MCPH1: variants seen among roughly 807,000 people sequenced by gnomAD.
MCPH1 encodes the protein microcephalin 1.
Under a neutral mutation model 84.5 loss-of-function variants are expected in MCPH1, and 104 were observed. That is an observed-to-expected ratio of 1.23 (90% CI 1.05 to 1.45). MCPH1 has a LOEUF of 1.45. MCPH1 is among the 40% of genes most tolerant of loss of function. The pLI, the probability that MCPH1 is intolerant of heterozygous loss-of-function variation, is 0.00. For synonymous variants in MCPH1, 514 were observed against 366.8 expected (o/e 1.40, Z -4.58); for missense variants, 1,498 against 1,005.7 (o/e 1.49, Z -6.62).
chr8:6,636,542 C>T (rs1163618505), intron 13 of MCPH1, among the ~76,000 whole-genome samples: 6 of 152,026 alleles, frequency 3.9e-5, no homozygotes, highest in Admixed American at 6.6e-5. Flanking sequence ...TACAGTGCTG[C>T]GATCATAGCT....
At chr8:6,617,903 C>CTATCTATCTATCTATA (rs1365396192) in intron 12 of MCPH1, among the ~76,000 whole-genome samples, 47 of 145,538 alleles carry the variant, frequency 3.2e-4, no homozygotes, top group Admixed American at 6.8e-4. Context: ...TCTATCTAAT[C>CTATCTATCTATCTATA]TATCTATCTA....
intron 12 of MCPH1, among the ~76,000 whole-genome samples, chr8:6,550,974 A>C (rs937926696): frequency 2.0e-5 from 3 of 152,204 alleles, no homozygotes; most frequent in African/African-American, 7.2e-5. Context: ...TGCTGTCCTA[A>C]TAAACAGTGT....
chr8:6,483,142 C>G (rs927975731), intron 11 of MCPH1, among the ~76,000 whole-genome samples: 1 of 152,110 alleles, frequency 6.6e-6, no homozygotes, highest in African/African-American at 2.4e-5. Flanking sequence ...GATCTGTGTG[C>G]TGAAAACTAC....
chr8:6,445,080 C>T lies in MCPH1; in HGVS notation c.1358C>T (p.Thr453Ile), dbSNP rs543390693. ...SCRSLSKKERTSIFEMSDFSC... is the reference protein window; with the variant it reads ...SCRSLSKKERISIFEMSDFSC... Reference sequence around the variant, plus strand: ...AGAAGTCTTTCTAAGAAGGAGAGAACAAGCATATTTGAAATGTCTGATTTT... The same window carrying T: ...AGAAGTCTTTCTAAGAAGGAGAGAATAAGCATATTTGAAATGTCTGATTTT... The change falls in exon 8 of 14, where the codon ACA (threonine) becomes ATA (isoleucine). Residue 453 changes from threonine to isoleucine, a missense_variant. By Grantham distance (89) the Thr-to-Ile change is moderately conservative. Transcript: ENST00000344683. 2.5e-5 allele frequency: 40 copies of T among 1,614,250 alleles called. 2 individuals carry two copies. The Admixed American group carries it at 6.5e-4, about 26-fold the overall frequency.
intron 4 of MCPH1, among the ~76,000 whole-genome samples, chr8:6,434,955 G>A (rs1040778845): frequency 6.6e-6 from 1 of 152,180 alleles, no homozygotes; most frequent in African/African-American, 2.4e-5. Context: ...GAAGTCAATG[G>A]GCAGTTCCAA....
chr8:6,465,750 C>T (rs897016137), intron 9 of MCPH1, among the ~76,000 whole-genome samples: 8 of 152,066 alleles, frequency 5.3e-5, no homozygotes, highest in African/African-American at 1.9e-4. Flanking sequence ...AAGTAACAAG[C>T]GGCTTTGTTT....
intron 13 of MCPH1, chr8:6,642,530 C>G (rs1257271673): frequency 5.5e-6 from 1 of 182,484 alleles, no homozygotes; most frequent in Admixed American, 5.4e-5. Flanking sequence ...TAAAAAATAC[C>G]TATGCTGGGT....
chr8:6,507,177 C>T (rs1055965102), intron 12 of MCPH1, among the ~76,000 whole-genome samples: 2 of 152,316 alleles, frequency 1.3e-5, no homozygotes, highest in East Asian at 1.9e-4. Flanking sequence ...GGATTACAAG[C>T]GGGGGCCACC....
intron 12 of MCPH1, among the ~76,000 whole-genome samples, chr8:6,617,962 G>C (rs929039755): frequency 2.8e-4 from 27 of 94,800 alleles, no homozygotes; most frequent in African/African-American, 8.8e-4. Context: ...TATCTAGATG[G>C]GGTCTGCCTA....
chr8:6,463,547 G>A (rs984746981), intron 9 of MCPH1, among the ~76,000 whole-genome samples: 1 of 152,168 alleles, frequency 6.6e-6, no homozygotes, highest in African/African-American at 2.4e-5. Context: ...AAGGAGCCTT[G>A]CAGTGGAAAG....
intron 3 of MCPH1, 60 bp downstream of exon 3, chr8:6,414,943 A>C (rs1799057767): frequency 6.4e-7 from 1 of 1,568,024 alleles, no homozygotes; most frequent in African/African-American, 1.4e-5. Context: ...ATGTGTGGAG[A>C]TATTTTTCAC....
intron 9 of MCPH1, among the ~76,000 whole-genome samples, chr8:6,473,430 C>A (rs923515911): frequency 1.4e-5 from 2 of 145,442 alleles, no homozygotes; most frequent in Admixed American, 7.2e-5. Context: ...TCCCCAGGTT[C>A]ACGCCATTCT....
At chr8:6,497,543 G>A (rs1811381800) in intron 11 of MCPH1, among the ~76,000 whole-genome samples, 1 of 152,054 alleles carries the variant, frequency 6.6e-6, no homozygotes, top group Non-Finnish European at 1.5e-5. Flanking sequence ...GGGAAGAGCT[G>A]CAACCACTGA....
At chr8:6,605,075 A>T (rs1456327752) in intron 12 of MCPH1, among the ~76,000 whole-genome samples, 1 of 151,758 alleles carries the variant, frequency 6.6e-6, no homozygotes, top group Non-Finnish European at 1.5e-5. Flanking sequence ...TTGTCGCCTG[A>T]CCTCTCCCTG....
intron 8 of MCPH1, among the ~76,000 whole-genome samples, chr8:6,449,556 C>T (rs752499483): frequency 2.2e-4 from 34 of 152,096 alleles, no homozygotes; most frequent in Non-Finnish European, 4.6e-4. Context: ...TCACTTGAAC[C>T]CAGGAGACAG....
chr8:6,594,151 C>T (rs894181892), intron 12 of MCPH1, among the ~76,000 whole-genome samples: 1 of 152,304 alleles, frequency 6.6e-6, no homozygotes, highest in East Asian at 1.9e-4. Context: ...GGCTGCAGGG[C>T]CTAGCCTGGC....
intron 3 of MCPH1, among the ~76,000 whole-genome samples, chr8:6,424,011 G>A (rs1406647861): frequency 2.0e-5 from 3 of 152,142 alleles, no homozygotes; most frequent in African/African-American, 7.2e-5. Flanking sequence ...CTTTCTTGGT[G>A]AACTGCCTGC....
chr8:6,530,310 C>A (rs897420087), intron 12 of MCPH1, among the ~76,000 whole-genome samples: 7 of 152,032 alleles, frequency 4.6e-5, no homozygotes, highest in African/African-American at 4.8e-5. Context: ...GAGTTCGAGA[C>A]CAGCCTGGCC....
intron 12 of MCPH1, among the ~76,000 whole-genome samples, chr8:6,575,624 A>G (rs952482142): frequency 2.0e-5 from 3 of 152,228 alleles, no homozygotes; most frequent in Non-Finnish European, 4.4e-5. Flanking sequence ...CCGAAAATTC[A>G]TGTTGAAGTC....
Sources: allele counts gnomAD v4.1 joint callset (sites outside exome capture counted in the v4.1 genomes callset), GRCh38; gene constraint gnomAD v4.1.1; transcripts MANE v1.5; gene names NCBI Gene and HGNC (gene_info 2026-07-23, HGNC 2026-07-21).